The following KLHL29 variants were observed in gnomAD, a reference collection of about 807,000 sequenced individuals.
KLHL29 encodes the protein kelch like family member 29.
Under a neutral mutation model 80.4 loss-of-function variants are expected in KLHL29, and 21 were observed. The ratio of observed to expected loss-of-function variants is 0.26; its 90% CI spans 0.19 to 0.38. The LOEUF (loss-of-function observed/expected upper bound fraction) is 0.38. Among genes scored for constraint, KLHL29 ranks in the 10% least tolerant of loss-of-function variants. The pLI, the probability that KLHL29 is intolerant of heterozygous loss-of-function variation, is 1.00. For missense variants in KLHL29, 867 were observed against 1,223.9 expected (o/e 0.71, Z 4.35); for synonymous variants, 511 against 526.8 (o/e 0.97, Z 0.41).
chr2:23,654,186 A>C (rs954184731), intron 5 of KLHL29, among the ~76,000 whole-genome samples: 1 of 151,934 alleles, frequency 6.6e-6, no homozygotes, highest in Non-Finnish European at 1.5e-5. Flanking sequence ...ATTTAAAAAA[A>C]AAAACTAAAT....
At chr2:23,501,292 C>T (rs1265991416) in intron 2 of KLHL29, among the ~76,000 whole-genome samples, 2 of 151,930 alleles carry the variant, frequency 1.3e-5, no homozygotes, top group African/African-American at 2.4e-5. Flanking sequence ...CCTATTCCTG[C>T]TTTGGAATAG....
chr2:23,423,959 C>T (rs1662928994), intron 1 of KLHL29, among the ~76,000 whole-genome samples: 1 of 152,222 alleles, frequency 6.6e-6, no homozygotes, highest in South Asian at 2.1e-4. Flanking sequence ...AGTGGCTTCG[C>T]TGGAGCATCC....
chr2:23,648,366 T>C (rs1424176210), intron 5 of KLHL29, among the ~76,000 whole-genome samples: 1 of 152,118 alleles, frequency 6.6e-6, no homozygotes, highest in Non-Finnish European at 1.5e-5. Flanking sequence ...TTCACTGTGA[T>C]TACTTTACTG....
chr2:23,530,741 C>T (rs761706745), intron 2 of KLHL29, among the ~76,000 whole-genome samples: 62 of 152,168 alleles, frequency 4.1e-4, no homozygotes, highest in African/African-American at 1.4e-3. Flanking sequence ...CCCCTGCCCC[C>T]GCCCAGCTGC....
intron 2 of KLHL29, among the ~76,000 whole-genome samples, chr2:23,518,239 C>T (rs937535866): frequency 1.5e-4 from 23 of 152,316 alleles, no homozygotes; most frequent in African/African-American, 4.1e-4. Context: ...ATGACCCTGA[C>T]GCTGTAAATG....
At chr2:23,397,789 A>T (rs1666487433) in intron 1 of KLHL29, among the ~76,000 whole-genome samples, 1 of 152,252 alleles carries the variant, frequency 6.6e-6, no homozygotes, top group Non-Finnish European at 1.5e-5. Context: ...TCCATTAAAA[A>T]ATGGGCAAAG....
At chr2:23,543,851 C>T (rs1666913825) in intron 2 of KLHL29, among the ~76,000 whole-genome samples, 1 of 152,156 alleles carries the variant, frequency 6.6e-6, no homozygotes. Context: ...GATGCTGGTG[C>T]ATTATGAATA....
At chr2:23,534,864 C>G (rs1666616573) in intron 2 of KLHL29, among the ~76,000 whole-genome samples, 2 of 152,220 alleles carry the variant, frequency 1.3e-5, no homozygotes, top group African/African-American at 4.8e-5. Flanking sequence ...ATTTCACAGC[C>G]TAGAACCCCC....
At chr2:23,394,007 G>GGGC (rs1301031993) in intron 1 of KLHL29, among the ~76,000 whole-genome samples, 1 of 152,178 alleles carries the variant, frequency 6.6e-6, no homozygotes, top group Non-Finnish European at 1.5e-5. Flanking sequence ...TTGGAGGTGT[G>GGGC]GGCGGTGAGG....
At chr2:23,413,808 C>A (rs1254712896) in intron 1 of KLHL29, among the ~76,000 whole-genome samples, 1 of 152,212 alleles carries the variant, frequency 6.6e-6, no homozygotes, top group Non-Finnish European at 1.5e-5. Context: ...TCCCTAGCTC[C>A]CGCCCTTCCT....
At chr2:23,421,534 GTGTGTGTGTGTGT>G (rs1662801604) in intron 1 of KLHL29, among the ~76,000 whole-genome samples, 1 of 37,794 alleles carries the variant, frequency 2.6e-5, no homozygotes, top group Non-Finnish European at 4.4e-5. Context: ...TTGTGTGTGT[GTGTGTGTGTGTGT>G]GTGTGTGTGT....
At chr2:23,545,329 C>T (rs1666954622) in intron 2 of KLHL29, among the ~76,000 whole-genome samples, 1 of 152,212 alleles carries the variant, frequency 6.6e-6, no homozygotes, top group South Asian at 2.1e-4. Flanking sequence ...GAGCAAGCCA[C>T]CGCATCACTG....
At chr2:23,526,135 G>A (rs1386147649) in intron 2 of KLHL29, among the ~76,000 whole-genome samples, 1 of 152,248 alleles carries the variant, frequency 6.6e-6, no homozygotes, top group Non-Finnish European at 1.5e-5. Context: ...CGTGAGGAGT[G>A]TTAAGTCATT....
At position 23,609,605 on chromosome 2, in the gene KLHL29, G is replaced by A. The variant is rs115620754; in HGVS notation, c.286-29534G>A. On this transcript the variant is annotated intron_variant, in intron 3 of 13. Transcript: ENST00000486442. ...CCGGGTGCAGAATTTCATGATAACC[G>A]TGGCCTAGAGATGGGTAATAGTGAG... Among the ~76,000 whole-genome samples, 342 of 151,998 alleles carry A rather than the reference G, an allele frequency of 2.3e-3. 1 individual carries two copies. Among genetic ancestry groups the A allele is most frequent in the African/African-American group, 7.3e-3 (303 of 41,440 alleles).
chr2:23,632,674 C>G (rs1419543668), intron 3 of KLHL29, among the ~76,000 whole-genome samples: 1 of 152,222 alleles, frequency 6.6e-6, no homozygotes. Context: ...TTTGCTCTTG[C>G]TGTTCTCAGA....
chr2:23,522,470 T>G (rs1179588207), intron 2 of KLHL29, among the ~76,000 whole-genome samples: 1 of 152,152 alleles, frequency 6.6e-6, no homozygotes, highest in African/African-American at 2.4e-5. Context: ...TTTTGATTGC[T>G]TTTTGAATTT....
At chr2:23,675,903 C>T (rs539079042) in intron 5 of KLHL29, among the ~76,000 whole-genome samples, 4 of 152,120 alleles carry the variant, frequency 2.6e-5, no homozygotes, top group African/African-American at 7.2e-5. Flanking sequence ...TGTGATCTAA[C>T]CCCCTAGCAC....
At chr2:23,514,509 C>A (rs563663019) in intron 2 of KLHL29, among the ~76,000 whole-genome samples, 20 of 152,194 alleles carry the variant, frequency 1.3e-4, no homozygotes, top group Non-Finnish European at 2.8e-4. Flanking sequence ...ACCATCCTGA[C>A]GAGTGCCCTG....
At chr2:23,528,520 C>T (rs531176379) in intron 2 of KLHL29, among the ~76,000 whole-genome samples, 121 of 152,306 alleles carry the variant, frequency 7.9e-4, no homozygotes, top group African/African-American at 2.7e-3. Flanking sequence ...GACGAGGCCA[C>T]GCGCTCCCTT....
Sources: allele counts gnomAD v4.1 joint callset (sites outside exome capture counted in the v4.1 genomes callset), GRCh38; gene constraint gnomAD v4.1.1; transcripts MANE v1.5; gene names NCBI Gene and HGNC (gene_info 2026-07-23, HGNC 2026-07-21).